The following CDH18 variants were observed in gnomAD, a reference collection of about 807,000 sequenced individuals.
CDH18 encodes the protein cadherin 18.
CDH18 carries 31 observed loss-of-function variants against 67.9 expected under a neutral mutation model. The ratio of observed to expected loss-of-function variants is 0.46; its 90% CI spans 0.34 to 0.62. The LOEUF (loss-of-function observed/expected upper bound fraction) is 0.62, where lower values mean the gene tolerates loss of function less well. Among genes scored for constraint, CDH18 ranks in the 20% least tolerant of loss-of-function variants. CDH18 has a pLI of 0.01. For missense variants in CDH18, 890 were observed against 975.5 expected (o/e 0.91, Z 1.17); for synonymous variants, 362 against 347.2 (o/e 1.04, Z -0.48).
At chr5:20,383,803 T>C (rs1744099378) in intron 1 of CDH18, among the ~76,000 whole-genome samples, 1 of 152,094 alleles carries the variant, frequency 6.6e-6, no homozygotes, top group South Asian at 2.1e-4. Flanking sequence ...AGCATAGTAA[T>C]ACGAAAATGT....
At chr5:20,014,676 A>G (rs1480614676) in intron 2 of CDH18, among the ~76,000 whole-genome samples, 1 of 152,160 alleles carries the variant, frequency 6.6e-6, no homozygotes, top group African/African-American at 2.4e-5. Flanking sequence ...AACACTAGAG[A>G]AGATTAAAAA....
intron 1 of CDH18, among the ~76,000 whole-genome samples, chr5:20,470,313 A>C (rs1485084499): frequency 6.6e-6 from 1 of 152,056 alleles, no homozygotes; most frequent in African/African-American, 2.4e-5. Flanking sequence ...CATAACTCTA[A>C]ATTGGACTTT....
chr5:20,444,497 A>G (rs1749856664), intron 1 of CDH18, among the ~76,000 whole-genome samples: 1 of 152,222 alleles, frequency 6.6e-6, no homozygotes, highest in Non-Finnish European at 1.5e-5. Context: ...AGATGGTGCC[A>G]CTGCACTCCA....
intron 1 of CDH18, among the ~76,000 whole-genome samples, chr5:20,393,871 G>A (rs944409426): frequency 8.6e-5 from 13 of 151,792 alleles, no homozygotes; most frequent in African/African-American, 2.7e-4. Context: ...TCTCTACAAG[G>A]AGAACTATGA....
chr5:20,457,559 C>T (rs1202425087), intron 1 of CDH18, among the ~76,000 whole-genome samples: 4 of 152,002 alleles, frequency 2.6e-5, no homozygotes, highest in Non-Finnish European at 2.9e-5. Flanking sequence ...CTTTGAACCC[C>T]GATGCTCTTC....
intron 2 of CDH18, among the ~76,000 whole-genome samples, chr5:19,854,373 T>C (rs1275506112): frequency 1.3e-5 from 2 of 152,296 alleles, no homozygotes; most frequent in Non-Finnish European, 2.9e-5. Context: ...AATTTCAAAC[T>C]TTATATTTGA....
At chr5:19,956,097 C>T (rs1455180801) in intron 2 of CDH18, among the ~76,000 whole-genome samples, 2 of 151,870 alleles carry the variant, frequency 1.3e-5, no homozygotes, top group Non-Finnish European at 2.9e-5. Context: ...ATTTACATTA[C>T]TCTGGCATAA....
intron 1 of CDH18, among the ~76,000 whole-genome samples, chr5:20,406,819 G>A (rs764122563): frequency 5.3e-5 from 8 of 152,142 alleles, no homozygotes; most frequent in Non-Finnish European, 1.2e-4. Flanking sequence ...GCAAGTATAA[G>A]TTCCTTTTGT....
intron 1 of CDH18, among the ~76,000 whole-genome samples, chr5:20,428,792 ACTT>A (rs1215438347): frequency 1.3e-5 from 2 of 151,914 alleles, no homozygotes; most frequent in African/African-American, 4.8e-5. Flanking sequence ...GTTATTCAGC[ACTT>A]CATTTGCTAC....
At chr5:20,494,391 AGAGG>A (rs953700378) in intron 1 of CDH18, among the ~76,000 whole-genome samples, 5 of 152,276 alleles carry the variant, frequency 3.3e-5, no homozygotes, top group Middle Eastern at 3.4e-3. Context: ...GTAAACTTCA[AGAGG>A]GAGGTTGTGA....
chr5:20,389,179 G>A (rs1744596694), intron 1 of CDH18, among the ~76,000 whole-genome samples: 1 of 152,026 alleles, frequency 6.6e-6, no homozygotes, highest in Non-Finnish European at 1.5e-5. Flanking sequence ...ATTATTGTGT[G>A]GGCATCTAAG....
chr5:20,080,604 A>G (rs1464511577), intron 2 of CDH18, among the ~76,000 whole-genome samples: 1 of 152,160 alleles, frequency 6.6e-6, no homozygotes, highest in Non-Finnish European at 1.5e-5. Context: ...ATGATTACAT[A>G]TTTATTTTTT....
At chr5:20,524,171 C>T (rs929443243) in intron 1 of CDH18, among the ~76,000 whole-genome samples, 1 of 152,078 alleles carries the variant, frequency 6.6e-6, no homozygotes, top group Non-Finnish European at 1.5e-5. Context: ...CACTACAGTC[C>T]CTGCTGATTG....
intron 2 of CDH18, among the ~76,000 whole-genome samples, chr5:20,054,526 T>C (rs1018462010): frequency 1.3e-5 from 2 of 152,170 alleles, no homozygotes; most frequent in Admixed American, 1.3e-4. Context: ...GGTTGTGGCT[T>C]ACAGTTTCTT....
intron 7 of CDH18, among the ~76,000 whole-genome samples, chr5:19,586,961 A>G (rs1435680781): frequency 6.6e-6 from 1 of 152,028 alleles, no homozygotes; most frequent in African/African-American, 2.4e-5. Context: ...ATGATCAGTG[A>G]TGTTGAGCTT....
chr5:20,078,269 T>C (rs1744125055), intron 2 of CDH18, among the ~76,000 whole-genome samples: 1 of 151,922 alleles, frequency 6.6e-6, no homozygotes, highest in Non-Finnish European at 1.5e-5. Context: ...AGAGACCAGT[T>C]GGCCAACATG....
chr5:19,625,639 C>A (rs1037975549), intron 5 of CDH18, among the ~76,000 whole-genome samples: 4 of 152,116 alleles, frequency 2.6e-5, no homozygotes, highest in African/African-American at 7.2e-5. Context: ...ATGTTCAAAT[C>A]ATCTTTCCTT....
chr5:20,214,791 C>T (rs991762812), intron 2 of CDH18, among the ~76,000 whole-genome samples: 1 of 151,978 alleles, frequency 6.6e-6, no homozygotes, highest in African/African-American at 2.4e-5. Flanking sequence ...GCAAAGGTTT[C>T]CTAACAAATA....
intron 1 of CDH18, among the ~76,000 whole-genome samples, chr5:20,443,382 A>C (rs541749250): frequency 6.6e-6 from 1 of 151,856 alleles, no homozygotes; most frequent in Admixed American, 6.5e-5. Context: ...GTGCACAATT[A>C]TTATTTACAA....
Sources: allele counts gnomAD v4.1 joint callset (sites outside exome capture counted in the v4.1 genomes callset), GRCh38; gene constraint gnomAD v4.1.1; transcripts MANE v1.5; gene names NCBI Gene and HGNC (gene_info 2026-07-23, HGNC 2026-07-21).